PALM2AKAP2: variants seen among roughly 807,000 people sequenced by gnomAD.
PALM2AKAP2 encodes PALM2-AKAP2 fusion protein.
PALM2AKAP2 carries 37 observed loss-of-function variants against 71.5 expected under a neutral mutation model. The ratio of observed to expected loss-of-function variants is 0.52; its 90% CI spans 0.40 to 0.68. The LOEUF (loss-of-function observed/expected upper bound fraction) is 0.68. PALM2AKAP2 is among the 30% of genes least tolerant of loss of function. The pLI is 0.00. For missense variants in PALM2AKAP2, 1,224 were observed against 1,191.8 expected, an observed-to-expected ratio of 1.03 and a Z score of -0.40; for synonymous variants, 468 against 478.8, an observed-to-expected ratio of 0.98 and a Z score of 0.29.
intron 1 of PALM2AKAP2, among the ~76,000 whole-genome samples, chr9:110,111,590 G>T (rs762020724): frequency 2.0e-5 from 3 of 152,108 alleles, no homozygotes; most frequent in Non-Finnish European, 4.4e-5. Context: ...TCCCCTAACG[G>T]CAAAATGAAT....
chr9:110,051,323 C>T (rs1833705713), intron 1 of PALM2AKAP2, among the ~76,000 whole-genome samples: 1 of 152,134 alleles, frequency 6.6e-6, no homozygotes, highest in Non-Finnish European at 1.5e-5. Flanking sequence ...ACTTCGTTGT[C>T]AAATGAAGGG....
chr9:109,894,619 G>C (rs1030837428), intron 3 of PALM2AKAP2, among the ~76,000 whole-genome samples: 9 of 152,272 alleles, frequency 5.9e-5, no homozygotes, highest in African/African-American at 1.9e-4. Flanking sequence ...TTTGAGTGTC[G>C]TTGCACTCAC....
rs1237060355 is a variant in PALM2AKAP2, at chr9:109,954,068, C to CT, written c.496+22043dup. On this transcript the variant is annotated intron_variant, in intron 6 of 9. Coordinates refer to the PALM2AKAP2 transcript ENST00000302798. ...AAAGGAGAAGCGGAGGGTAAAATCA[C>CT]TTTGTTTTCTTATCTGTTCATCAGG... Among the ~76,000 whole-genome samples the CT allele has an allele frequency of 4.6e-5, 7 of 152,236 alleles. No individual in the cohort carries two copies. The South Asian group carries it at 1.5e-3, about 32-fold the overall frequency.
chr9:109,807,550 C>T (rs547039638), intron 1 of PALM2AKAP2, among the ~76,000 whole-genome samples: 1 of 142,642 alleles, frequency 7.0e-6, no homozygotes, highest in Admixed American at 7.0e-5. Flanking sequence ...CAAGGCAGCT[C>T]TCTGGGACCT....
In PALM2AKAP2 at chr9:109,658,437, A is replaced by T. The variant is rs149742702; in HGVS notation, c.5+17571A>T. 5.9e-3 allele frequency among the ~76,000 whole-genome samples: 892 copies of T among 152,336 alleles called. 11 individuals are homozygous for T. The highest frequency in any genetic ancestry group is 0.02 in the African/African-American group (848 of 41,564). On this transcript the variant is annotated intron_variant, in intron 1 of 6. Coordinates refer to the PALM2AKAP2 transcript ENST00000374531. ...AAAATCTTATAAAGATATAAAGATA[A>T]ATAAATAATATGTTCATGTCTCAAG...
intron 1 of PALM2AKAP2, among the ~76,000 whole-genome samples, chr9:110,070,827 C>G (rs1014735289): frequency 3.9e-5 from 6 of 151,958 alleles, no homozygotes; most frequent in African/African-American, 1.5e-4. Context: ...CTGTTTTTTT[C>G]GTCTGTAACT....
intron 1 of PALM2AKAP2, among the ~76,000 whole-genome samples, chr9:109,724,310 C>T (rs959984591): frequency 1.6e-4 from 25 of 152,132 alleles, no homozygotes. Context: ...TGTCACGCTT[C>T]CCTAAAGTAA....
At chr9:110,011,913 C>T (rs1230182053) in intron 6 of PALM2AKAP2, among the ~76,000 whole-genome samples, 3 of 152,156 alleles carry the variant, frequency 2.0e-5, no homozygotes, top group Admixed American at 6.5e-5. Flanking sequence ...CAGATCTCCA[C>T]CATAGGTACG....
Position 109,977,217 on chromosome 9 carries a change from G to C in PALM2AKAP2, c.497-38737G>C, listed in dbSNP as rs1832188362. Among the ~76,000 whole-genome samples the C allele has an allele frequency of 1.3e-5, 2 of 152,186 alleles. 1 individual carries two copies. Among genetic ancestry groups the C allele is most frequent in the South Asian group, 4.2e-4 (2 of 4,816 alleles). On this transcript the variant is annotated intron_variant, in intron 6 of 9. Coordinates refer to the PALM2AKAP2 transcript ENST00000302798. ...GTACTGTCCTCCTAAGCTGCACCAG[G>C]GAATACAAGTACAGGAGGTAGTTGA...
chr9:110,161,302 A>C (rs1333959023), intron 3 of PALM2AKAP2, among the ~76,000 whole-genome samples: 1 of 152,212 alleles, frequency 6.6e-6, no homozygotes, highest in Admixed American at 6.5e-5. Flanking sequence ...TAAATGCTTT[A>C]AATGCCCCAA....
chr9:110,109,847 A>G (rs1162836930), intron 1 of PALM2AKAP2, among the ~76,000 whole-genome samples: 1 of 152,188 alleles, frequency 6.6e-6, no homozygotes, highest in Non-Finnish European at 1.5e-5. Context: ...TCAAAAAACT[A>G]AAAATAGAAG....
intron 1 of PALM2AKAP2, among the ~76,000 whole-genome samples, chr9:109,691,477 C>T (rs1827883235): frequency 6.6e-6 from 1 of 151,864 alleles, no homozygotes; most frequent in African/African-American, 2.4e-5. Context: ...ATCTTCCTAC[C>T]TGTATTTGAA....
At chr9:109,900,232 C>T (rs1387018047) in intron 3 of PALM2AKAP2, among the ~76,000 whole-genome samples, 1 of 152,186 alleles carries the variant, frequency 6.6e-6, no homozygotes, top group Non-Finnish European at 1.5e-5. Context: ...TTGACATTTA[C>T]TGAGAAGTAT....
chr9:110,098,989 G>C (rs1025357536), intron 1 of PALM2AKAP2, among the ~76,000 whole-genome samples: 1 of 152,126 alleles, frequency 6.6e-6, no homozygotes, highest in Non-Finnish European at 1.5e-5. Flanking sequence ...TCAGTTAAGT[G>C]ATTACTTTCA....
At chr9:110,158,061 C>T (rs10980227) in intron 3 of PALM2AKAP2, among the ~76,000 whole-genome samples, 10,992 of 152,206 alleles carry the variant, frequency 0.072, 620 homozygotes, top group East Asian at 0.26. Flanking sequence ...GGATGATGCC[C>T]GGCCCTGGGT....
chr9:109,832,170 C>T (rs1482417103), intron 1 of PALM2AKAP2, among the ~76,000 whole-genome samples: 1 of 152,228 alleles, frequency 6.6e-6, no homozygotes, highest in Non-Finnish European at 1.5e-5. Flanking sequence ...AGGTCACACG[C>T]AGAGTGTCTA....
chr9:110,023,041 G>A (rs1279738225), intron 7 of PALM2AKAP2, among the ~76,000 whole-genome samples: 4 of 152,028 alleles, frequency 2.6e-5, no homozygotes, highest in South Asian at 2.1e-4. Flanking sequence ...ATAAACATAC[G>A]TGTGCATGTG....
At chr9:110,084,933 G>T (rs774845115) in intron 1 of PALM2AKAP2, among the ~76,000 whole-genome samples, 53 of 152,160 alleles carry the variant, frequency 3.5e-4, no homozygotes, top group Admixed American at 5.9e-4. Flanking sequence ...GTAGAGATGG[G>T]ATTTCACTGT....
At position 110,035,713 on chromosome 9, in the gene PALM2AKAP2, T is replaced by A. The variant is rs189120376; in HGVS notation, c.582+19674T>A. 1.4e-3 allele frequency among the ~76,000 whole-genome samples: 178 copies of A among 126,108 alleles called. 5 individuals are homozygous for A. The East Asian group carries it at 0.038, about 27-fold the overall frequency. 82.7% of individuals were successfully genotyped at this position (126,108 alleles called of 152,430 possible). Reference sequence around the variant, plus strand: ...TATAGGATATGTTGTGTGTTATATATAACATATATAGGATATGTTGTGTGT... The same window carrying A: ...TATAGGATATGTTGTGTGTTATATAAAACATATATAGGATATGTTGTGTGT... On this transcript the variant is annotated intron_variant, in intron 7 of 9. Coordinates refer to the PALM2AKAP2 transcript ENST00000302798.
Sources: gnomAD v4.1 joint callset for allele counts (sites outside exome capture counted in the v4.1 genomes callset) on GRCh38, gnomAD v4.1.1 for gene constraint, MANE v1.5 for transcripts, NCBI Gene and HGNC (gene_info 2026-07-23, HGNC 2026-07-21) for gene names.